Variants in WBP1L observed in about 807,000 individuals in gnomAD.
WBP1L encodes the protein WW domain binding protein 1 like, also known as WW domain binding protein 1-like.
WBP1L carries 17 observed loss-of-function variants against 33.7 expected under a neutral mutation model. The ratio of observed to expected loss-of-function variants is 0.50; its 90% confidence interval spans 0.34 to 0.76. The LOEUF is 0.76. Ranked by LOEUF, WBP1L falls within the 30% of genes least tolerant of loss-of-function variation. WBP1L has a pLI of 0.01. For synonymous variants in WBP1L, 173 were observed against 190.8 expected (o/e 0.91, Z 0.77); for missense variants, 389 against 469.4 (o/e 0.83, Z 1.58).
At position 102,744,281 on chromosome 10, in the gene WBP1L, A is replaced by G. The variant is rs1842835024; in HGVS notation, c.90+138A>G. ...TCTATGCCTGGCGTGGACAGGATCT[A>G]AAGGGGCGTCGGTATTTAGCTGAGG... On this transcript the variant is annotated intron_variant, in intron 1 of 3. Transcript: ENST00000448841. 4 of 1,274,666 alleles carry G rather than the reference A, an allele frequency of 3.1e-6. No individual in the cohort carries two copies. In the East Asian group the frequency reaches 1.2e-4, roughly 37 times the overall value. 79.0% of individuals were successfully genotyped at this position (1,274,666 alleles called of 1,614,324 possible). A position where few individuals can be genotyped will look rare whatever the true frequency, so the allele number is the denominator to read the frequency against.
intron 2 of WBP1L, among the ~76,000 whole-genome samples, chr10:102,802,049 TCCA>T (rs1363005056): frequency 1.7e-5 from 1 of 57,482 alleles, no homozygotes; most frequent in Non-Finnish European, 3.5e-5. Flanking sequence ...CTCCCCTTCC[TCCA>T]CCCTCCCCTA....
At chr10:102,799,865 T>G (rs1188573919) in intron 2 of WBP1L, among the ~76,000 whole-genome samples, 2 of 152,152 alleles carry the variant, frequency 1.3e-5, no homozygotes, top group Non-Finnish European at 2.9e-5. Context: ...CCATCTGAAA[T>G]GCAGTTGTAT....
intron 2 of WBP1L, among the ~76,000 whole-genome samples, chr10:102,801,859 C>T (rs1022787642): frequency 1.5e-4 from 22 of 148,604 alleles, no homozygotes; most frequent in African/African-American, 5.2e-4. Context: ...CTCTCTCTTT[C>T]CTTTCCCTCC....
chr10:102,755,630 T>C (rs1842965769), intron 1 of WBP1L, among the ~76,000 whole-genome samples: 2 of 151,962 alleles, frequency 1.3e-5, no homozygotes, highest in African/African-American at 4.8e-5. Flanking sequence ...TGAGCTCAAG[T>C]GATCTGCCTG....
chr10:102,789,106 C>T (rs1843460735), intron 1 of WBP1L, among the ~76,000 whole-genome samples: 1 of 152,070 alleles, frequency 6.6e-6, no homozygotes, highest in African/African-American at 2.4e-5. Context: ...ACTACAGGTG[C>T]GCACAACCAC....
intron 1 of WBP1L, among the ~76,000 whole-genome samples, chr10:102,757,863 A>C (rs1590167836): frequency 2.8e-4 from 22 of 79,726 alleles, no homozygotes; most frequent in South Asian, 1.7e-3. Flanking sequence ...AGCATGAGCC[A>C]CTGTACCTGC....
intron 1 of WBP1L, among the ~76,000 whole-genome samples, chr10:102,755,724 C>T (rs1245117135): frequency 6.6e-6 from 1 of 151,566 alleles, no homozygotes; most frequent in Non-Finnish European, 1.5e-5. Context: ...AAAAACAACA[C>T]GTGCTCATAA....
intron 1 of WBP1L, among the ~76,000 whole-genome samples, chr10:102,775,941 A>G (rs1400912411): frequency 6.6e-6 from 1 of 152,178 alleles, no homozygotes; most frequent in East Asian, 1.9e-4. Context: ...CAGCCTGCTT[A>G]GAGCCAAGGG....
chr10:102,772,558 C>CTTTTTTT (rs34624231), intron 1 of WBP1L, among the ~76,000 whole-genome samples: 4 of 64,742 alleles, frequency 6.2e-5, no homozygotes, highest in Non-Finnish European at 9.2e-5. Flanking sequence ...ATGCCCGGCC[C>CTTTTTTT]TTTTTTTTTT....
rs866355355 is a variant in WBP1L, at chr10:102,760,382, T to C, written c.90+16239T>C. Among the ~76,000 whole-genome samples, 1,368 of 149,176 alleles carry C rather than the reference T, an allele frequency of 9.2e-3. 15 individuals are homozygous for C. Among genetic ancestry groups the C allele is most frequent in the African/African-American group, 0.032 (1,283 of 40,408 alleles). Reference sequence around the variant, plus strand: ...TTTCTTTCTTTCTTTCTTTCTTTTTTTTTTTTTTTTTGAGGTGGAGTTTTG... The same window carrying C: ...TTTCTTTCTTTCTTTCTTTCTTTTTCTTTTTTTTTTTGAGGTGGAGTTTTG... On this transcript the variant is annotated intron_variant, in intron 1 of 3. Transcript: ENST00000448841.
chr10:102,778,847 ATTTTTTTCCCTTAATCCATATGATTG>A (rs1843299822), intron 1 of WBP1L, among the ~76,000 whole-genome samples: 1 of 151,904 alleles, frequency 6.6e-6, no homozygotes, highest in African/African-American at 2.4e-5. Context: ...ACTTTGATTT[ATTTTTTTCCCTTAATCCATATGATTG>A]TTTTTTCCCC....
chr10:102,813,389 C>G lies in WBP1L; in HGVS notation c.*58C>G. ...AAGCAACCAGGGTAGGGGAGAACCA[C>G]GAGAGAAGCATTAAGTGACTTTCAA... On this transcript the variant is annotated 3_prime_UTR_variant, in exon 4 of 4. Transcript: ENST00000448841. 1 of 1,529,510 alleles carries G rather than the reference C, an allele frequency of 6.5e-7. No homozygotes were observed. Among genetic ancestry groups the G allele is most frequent in the South Asian group, 1.3e-5 (1 of 79,706 alleles). The allele number at this position is 1,529,510 out of a possible 1,614,324, so 94.7% of individuals were successfully genotyped here.
rs111654669 is a variant in WBP1L at position 102,761,121 on chromosome 10, GTT to G, written c.90+16994_90+16995del. On this transcript the variant is annotated intron_variant, in intron 1 of 3. Transcript: ENST00000448841. ...AGGGTTTCACCATGTTGGCCAGGCT[GTT>G]TTTTTTTTTTTTTTTCTTTTCTTTT... 5.0e-3 allele frequency among the ~76,000 whole-genome samples: 669 copies of G among 134,100 alleles called. 8 individuals are homozygous for G. The highest frequency in any genetic ancestry group is 0.018 in the African/African-American group (639 of 36,328). The allele number at this position is 134,100 out of a possible 152,430, so 88.0% of individuals were successfully genotyped here. A position where few individuals can be genotyped will look rare whatever the true frequency, so the allele number is the denominator to read the frequency against.
intron 1 of WBP1L, among the ~76,000 whole-genome samples, chr10:102,765,414 T>G (rs1564756558): frequency 6.6e-6 from 1 of 152,102 alleles, no homozygotes; most frequent in African/African-American, 2.4e-5. Context: ...TGTATTTTTT[T>G]TGTGGAGATG....
intron 1 of WBP1L, among the ~76,000 whole-genome samples, chr10:102,758,778 G>A (rs1358396209): frequency 1.3e-5 from 2 of 152,200 alleles, no homozygotes; most frequent in African/African-American, 4.8e-5. Flanking sequence ...GGCAGGGTAA[G>A]GAGGGTCAGT....
intron 1 of WBP1L, among the ~76,000 whole-genome samples, chr10:102,765,132 A>G (rs1406473397): frequency 6.6e-6 from 1 of 152,204 alleles, no homozygotes. Flanking sequence ...CTTGGAGAAC[A>G]TGCAGGTGCT....
chr10:102,776,091 C>T, intron 1 of WBP1L: 1 of 985,334 alleles, frequency 1.0e-6, no homozygotes, highest in Non-Finnish European at 1.2e-6. Flanking sequence ...GAAGTTTTTT[C>T]TGCTGCGCCT....
chr10:102,770,419 C>T (rs1454354742), intron 1 of WBP1L, among the ~76,000 whole-genome samples: 1 of 152,180 alleles, frequency 6.6e-6, no homozygotes, highest in African/African-American at 2.4e-5. Flanking sequence ...ACCCTAGAAG[C>T]CTGGCAGTTA....
At chr10:102,745,632 T>TA (rs1331311758) in intron 1 of WBP1L, among the ~76,000 whole-genome samples, 16 of 152,366 alleles carry the variant, frequency 1.1e-4, no homozygotes, top group African/African-American at 3.1e-4. Flanking sequence ...CATGTACTAG[T>TA]ACTTCATTCC....
Sources: allele counts gnomAD v4.1 joint callset (sites outside exome capture counted in the v4.1 genomes callset), GRCh38; gene constraint gnomAD v4.1.1; transcripts MANE v1.5; gene names NCBI Gene and HGNC (gene_info 2026-07-23, HGNC 2026-07-21).